Variants in RYK observed in about 807,000 individuals in gnomAD.
The protein encoded by RYK is receptor like tyrosine kinase, also known as inactive tyrosine-protein kinase RYK.
In RYK, 21 loss-of-function variants were observed where a neutral mutation model predicts 70.2. The ratio of observed to expected loss-of-function variants is 0.30; its 90% CI spans 0.21 to 0.43. The LOEUF is 0.43. RYK is among the 20% of genes least tolerant of loss of function. The pLI is 1.00. For missense variants in RYK, 604 were observed against 753.3 expected (o/e 0.80, Z 2.32); for synonymous variants, 267 against 278.0 (o/e 0.96, Z 0.39).
intron 10 of RYK, chr3:134,178,763 T>C (rs2013195767): frequency 6.6e-6 from 1 of 152,184 alleles, no homozygotes; most frequent in Non-Finnish European, 1.5e-5. Context: ...ATGGCATACA[T>C]ACATACATTT....
intron 1 of RYK, 68 bp downstream of exon 1, chr3:134,250,355 C>A: frequency 9.6e-7 from 1 of 1,041,152 alleles, no homozygotes; most frequent in Non-Finnish European, 1.3e-6. Flanking sequence ...GCAGACTGAT[C>A]CGCCGGCGGC....
At chr3:134,214,430 T>A (rs1370007821) in intron 2 of RYK, among the ~76,000 whole-genome samples, 1 of 152,172 alleles carries the variant, frequency 6.6e-6, no homozygotes, top group Non-Finnish European at 1.5e-5. Flanking sequence ...TTAAAGCCAC[T>A]TCCCTTCTCT....
rs76505532 is a variant in RYK, at chr3:134,231,262, G to A, written c.233-8723C>T. ...CATACATGCAGTCATTTGATAATTCGTGGTTTTGTTCTACTAGAAATTTTA... is the reference window on the plus strand; with the variant it reads ...CATACATGCAGTCATTTGATAATTCATGGTTTTGTTCTACTAGAAATTTTA... On this transcript the variant is annotated intron_variant, in intron 1 of 14. Coordinates refer to ENST00000623711, the MANE Select transcript of RYK (RefSeq NM_002958.4). 1.2e-3 allele frequency among the ~76,000 whole-genome samples: 180 copies of A among 150,970 alleles called. 8 individuals carry two copies. In the East Asian group the frequency reaches 0.034, roughly 28 times the overall value.
intron 11 of RYK, 119 bp downstream of exon 11, chr3:134,177,822 T>C: frequency 1.2e-6 from 1 of 813,854 alleles, no homozygotes; most frequent in South Asian, 2.0e-5. Context: ...GTGGTTCATT[T>C]TGAGGTTCTT....
chr3:134,225,511 A>G lies in RYK; in HGVS notation c.233-2972T>C, dbSNP rs77475875. 3.0e-3 allele frequency among the ~76,000 whole-genome samples: 453 copies of G among 152,310 alleles called. 3 individuals carry two copies. Among genetic ancestry groups the G allele is most frequent in the African/African-American group, 9.9e-3 (411 of 41,562 alleles). ...ACCAACGGACAAAAAGGCAAAAAGA[A>G]ACACACAAATCCACAATCACAATTG... On this transcript the variant is annotated intron_variant, in intron 1 of 14. Transcript: ENST00000623711.
At chr3:134,169,495 T>C (rs2012816944) in intron 13 of RYK, among the ~76,000 whole-genome samples, 1 of 152,198 alleles carries the variant, frequency 6.6e-6, no homozygotes, top group South Asian at 2.1e-4. Context: ...TACAATGATG[T>C]CATATCTTGG....
At chr3:134,219,181 C>T (rs1439585336) in intron 2 of RYK, among the ~76,000 whole-genome samples, 2 of 152,164 alleles carry the variant, frequency 1.3e-5, no homozygotes, top group African/African-American at 2.4e-5. Flanking sequence ...CATGCTAACA[C>T]TGCTTCCCCT....
chr3:134,188,809 T>C (rs547775150), intron 9 of RYK, 28 bp downstream of exon 9: 8 of 1,379,334 alleles, frequency 5.8e-6, no homozygotes, highest in African/African-American at 5.7e-5. Flanking sequence ...AAGAGCATCA[T>C]GGAAATACTA....
In RYK at chr3:134,250,775, G is replaced by A; in HGVS notation, c.-121C>T. 1 of 298,184 alleles carries A rather than the reference G, an allele frequency of 3.4e-6. No individual in the cohort carries two copies. The highest frequency in any genetic ancestry group is 4.9e-6 in the Non-Finnish European group (1 of 202,630). The allele number at this position is 298,184 out of a possible 1,614,324, so 18.5% of individuals were successfully genotyped here. A position where few individuals can be genotyped will look rare whatever the true frequency, so the allele number is the denominator to read the frequency against. On this transcript the variant is annotated 5_prime_UTR_variant, in exon 1 of 15. Transcript: ENST00000623711. ...GGCTGCCCAGCTCATCGCACCGCCG[G>A]CCCGTGGCAGCCAGCAGTGGCTTCA...
intron 1 of RYK, among the ~76,000 whole-genome samples, chr3:134,231,347 T>A (rs1006740239): frequency 2.0e-5 from 3 of 152,162 alleles, no homozygotes; most frequent in Non-Finnish European, 4.4e-5. Flanking sequence ...CCTGGGAACA[T>A]CTGTTCTCCC....
chr3:134,220,964 T>C (rs2014715968), intron 2 of RYK, among the ~76,000 whole-genome samples: 1 of 152,090 alleles, frequency 6.6e-6, no homozygotes, highest in South Asian at 2.1e-4. Context: ...GATAGCAATA[T>C]AGCATACATC....
At chr3:134,224,362 A>C (rs1039063022) in intron 1 of RYK, among the ~76,000 whole-genome samples, 15 of 152,130 alleles carry the variant, frequency 9.9e-5, no homozygotes, top group Non-Finnish European at 1.9e-4. Context: ...AGCTTATGTC[A>C]TTATTTCTTC....
At chr3:134,172,796 G>C (rs1293304891) in intron 13 of RYK, among the ~76,000 whole-genome samples, 6 of 152,266 alleles carry the variant, frequency 3.9e-5, no homozygotes, top group Non-Finnish European at 8.8e-5. Context: ...TGGAAAAACA[G>C]ACCAGGACTA....
rs368864237 is a variant in RYK at position 134,195,176 on chromosome 3, A to G, written c.795T>C (p.Ser265=). The G allele has an allele frequency of 6.2e-7, 1 of 1,608,494 alleles. No individual in the cohort carries two copies. The highest frequency in any genetic ancestry group is 1.3e-5 in the African/African-American group (1 of 74,716). Residue 265 remains serine, a synonymous_variant, in exon 7 of 15, where the codon AGT becomes AGC. Coordinates refer to ENST00000623711, the MANE Select transcript of RYK (RefSeq NM_002958.4). ...ACAGCCCTTGGGAACTACTGCTGGCACTAATGCTGCAAACAATTTTTGAGA... is the reference window on the plus strand; with the variant it reads ...ACAGCCCTTGGGAACTACTGCTGGCGCTAATGCTGCAAACAATTTTTGAGA... ...MKRIELDDSI[S]ASSSSQGLSQ...
intron 1 of RYK, among the ~76,000 whole-genome samples, chr3:134,228,027 T>G (rs1164955133): frequency 6.6e-6 from 1 of 152,224 alleles, no homozygotes; most frequent in East Asian, 1.9e-4. Flanking sequence ...CAGTGGCTCA[T>G]GCCAATAATC....
At chr3:134,199,591 ACACT>A (rs1278067802) in intron 6 of RYK, among the ~76,000 whole-genome samples, 1 of 152,208 alleles carries the variant, frequency 6.6e-6, no homozygotes, top group Non-Finnish European at 1.5e-5. Context: ...TAAACAGAAA[ACACT>A]CAATAAATGG....
intron 2 of RYK, 63 bp downstream of exon 2, chr3:134,222,355 A>T: frequency 1.3e-6 from 2 of 1,593,872 alleles, no homozygotes; most frequent in Non-Finnish European, 1.7e-6. Context: ...GTCCTCAAAC[A>T]CAGCCCTTGC....
chr3:134,246,343 CAGAG>C (rs139870425), intron 1 of RYK, among the ~76,000 whole-genome samples: 8 of 105,808 alleles, frequency 7.6e-5, no homozygotes, highest in Admixed American at 2.0e-4. Context: ...CACACACACA[CAGAG>C]AGAGAGAAAA....
chr3:134,227,056 A>C (rs1177153955), intron 1 of RYK, among the ~76,000 whole-genome samples: 1 of 152,200 alleles, frequency 6.6e-6, no homozygotes, highest in Admixed American at 6.5e-5. Context: ...ATCTACTAAA[A>C]TACTACTAAA....
Sources: allele counts gnomAD v4.1 joint callset (sites outside exome capture counted in the v4.1 genomes callset), GRCh38; gene constraint gnomAD v4.1.1; transcripts MANE v1.5; gene names NCBI Gene and HGNC (gene_info 2026-07-23, HGNC 2026-07-21).